MCM3AP: variants seen among roughly 807,000 people sequenced by gnomAD.
MCM3AP encodes minichromosome maintenance complex component 3 associated protein, also known as germinal-center associated nuclear protein.
MCM3AP carries 126 observed loss-of-function variants against 184.1 expected under a neutral mutation model. The observed-to-expected ratio is 0.68, with a 90% CI of 0.59 to 0.79. MCM3AP has a LOEUF of 0.79. Ranked by LOEUF, MCM3AP falls within the 30% of genes least tolerant of loss-of-function variation. The pLI, the probability that MCM3AP is intolerant of heterozygous loss-of-function variation, is 0.00. For missense variants in MCM3AP, 2,496 were observed against 2,479.2 expected (o/e 1.01, Z -0.14); for synonymous variants, 1,002 against 979.3 (o/e 1.02, Z -0.43).
At chr21:46,268,367 C>T (rs1186372279) in intron 9 of MCM3AP, among the ~76,000 whole-genome samples, 4 of 152,198 alleles carry the variant, frequency 2.6e-5, no homozygotes, top group African/African-American at 9.6e-5. Flanking sequence ...TGCCTGGCAC[C>T]GTTTTTAATG....
rs144976489 is a variant in MCM3AP at position 46,276,497 on chromosome 21, A to G, written c.1858+1030T>C. 2.9e-3 allele frequency among the ~76,000 whole-genome samples: 434 copies of G among 152,042 alleles called. 3 individuals carry two copies. The highest frequency in any genetic ancestry group is 4.4e-3 in the Non-Finnish European group (296 of 67,954). Reference sequence around the variant, plus strand: ...GCTCTTGCTGCCCAGGCTGGAGTACAATGGCACAATCTCGGCTCACCGCAA... The same window carrying G: ...GCTCTTGCTGCCCAGGCTGGAGTACGATGGCACAATCTCGGCTCACCGCAA... On this transcript the variant is annotated intron_variant, in intron 5 of 27. Coordinates refer to ENST00000291688, the MANE Select transcript of MCM3AP (RefSeq NM_003906.5).
At chr21:46,267,375 C>T in intron 9 of MCM3AP, 1 of 510,256 alleles carries the variant, frequency 2.0e-6, no homozygotes, top group Non-Finnish European at 3.5e-6. Context: ...AGAAGGATGG[C>T]TTGTGAAGGT....
chr21:46,244,361 G>C (rs12482209), intron 23 of MCM3AP, among the ~76,000 whole-genome samples: 67,138 of 152,186 alleles, frequency 0.44, 15,092 homozygotes, highest in African/African-American at 0.49. Context: ...AGCCATAGAA[G>C]AAGGCCTCTT....
In MCM3AP at chr21:46,235,302, T is replaced by C. The variant is rs201045045; in HGVS notation, c.5909A>G (p.His1970Arg). 3.7e-6 allele frequency: 6 copies of C among 1,614,212 alleles called. No homozygotes were observed. The highest frequency in any genetic ancestry group is 2.7e-5 in the African/African-American group (2 of 75,060). ...CACCATGTCTAGCAGCGCAGAGAGA[T>C]GGAGCTCAGAGGCAACTTCCTCTTC... The part of the protein sequence containing the change: ...SREEEVASEL[H>R]LSALLDMVDI The change falls in exon 28 of 28, where the codon CAT (histidine) becomes CGT (arginine). Residue 1970 changes from histidine to arginine, a missense_variant. Physicochemically the swap from His to Arg is conservative, Grantham distance 29. This residue lies in a region of MCM3AP where 1,323 missense variants were observed against 1,273.4 expected (regional missense o/e 1.04). Coordinates refer to ENST00000291688, the MANE Select transcript of MCM3AP (RefSeq NM_003906.5).
In MCM3AP at chr21:46,285,184, G is replaced by C; in HGVS notation, c.103C>G (p.Gln35Glu). 1 of 1,614,226 alleles carries C rather than the reference G, an allele frequency of 6.2e-7. No homozygotes were observed. Among genetic ancestry groups the C allele is most frequent in the Non-Finnish European group, 8.5e-7 (1 of 1,180,040 alleles). The change falls in exon 1 of 28, where the codon CAA (glutamine) becomes GAA (glutamate). Residue 35 changes from glutamine to glutamate, a missense_variant. Gln to Glu is a conservative substitution (Grantham distance 29). Transcript: ENST00000291688. ...LPSKPPFRFGQPSLFGQNSTL... is the reference protein window; with the variant it reads ...LPSKPPFRFGEPSLFGQNSTL... ...CTGTTTTGTCCAAAAAGAGAAGGTT[G>C]ACCAAATCGAAATGGCGGCTTAGAT... is the stretch of plus-strand genomic sequence containing the variant.
At position 46,240,813 on chromosome 21, in the gene MCM3AP, CTTG is replaced by C. The variant is rs1466972686; in HGVS notation, c.5628_5630del (p.Asn1876del). ...AATTAGAAGGAAGTGGGCTTCACCT[CTTG>C]TTCTCTTCTTTCTCCAGCAGCAGAC... On this transcript the variant is annotated inframe_deletion, in exon 26 of 28. Coordinates refer to ENST00000291688, the MANE Select transcript of MCM3AP (RefSeq NM_003906.5). The C allele has an allele frequency of 6.2e-7, 1 of 1,613,916 alleles. No individual in the cohort carries two copies. The highest frequency in any genetic ancestry group is 1.3e-5 in the African/African-American group (1 of 75,048).
At chr21:46,259,184 G>A (rs530915272) in intron 15 of MCM3AP, 93 bp from the exon 16 acceptor site, 72 of 1,314,370 alleles carry the variant, frequency 5.5e-5, no homozygotes, top group African/African-American at 3.5e-4. Context: ...AGTCAGGCGC[G>A]GTGGCTCACG....
rs1042579009 is a variant in MCM3AP at position 46,236,929 on chromosome 21, G to A, written c.5684C>T (p.Thr1895Met). ...ATAGAGGGGAAGGGAAGTTAAATCC[G>A]TAAATGCTCCTGAGTCTTCAGACAA... ...QWLSEDSGAFTDLTSLPLYLP... is the reference protein window; with the variant it reads ...QWLSEDSGAFMDLTSLPLYLP... Residue 1895 changes from threonine to methionine, a missense_variant, in exon 27 of 28, where the codon ACG becomes ATG. By Grantham distance (81) the Thr-to-Met change is moderately conservative (BLOSUM62 -1). This residue lies in a region of MCM3AP where 1,323 missense variants were observed against 1,273.4 expected (regional missense o/e 1.04). Transcript: ENST00000291688. The A allele has an allele frequency of 1.0e-5, 16 of 1,577,112 alleles. No individual in the cohort carries two copies. The highest frequency in any genetic ancestry group is 1.7e-4 in the Middle Eastern group (1 of 5,988).
rs754670172 is a variant in MCM3AP at position 46,251,881 on chromosome 21, CTTTTTTTTTTT to C, written c.4137-210_4137-200del. ...AATGGAGCAACGATCTGTACTCGTT[CTTTTTTTTTTT>C]TTTTTTTTTTTGAGCCAGGGTCTCG... On this transcript the variant is annotated intron_variant, in intron 19 of 27. Transcript: ENST00000291688. 1.8e-4 allele frequency: 23 copies of C among 127,760 alleles called. No homozygotes were observed. In the East Asian group the frequency reaches 3.2e-3, roughly 18 times the overall value. The allele number at this position is 127,760 out of a possible 1,614,324, so 7.9% of individuals were successfully genotyped here.
In MCM3AP at chr21:46,280,080, C is replaced by A. The variant is rs533982769; in HGVS notation, c.1580G>T (p.Ser527Ile). The A allele has an allele frequency of 1.9e-6, 3 of 1,614,228 alleles. No homozygotes were observed. The Admixed American group carries it at 5.0e-5, about 27-fold the overall frequency. Residue 527 changes from serine (S) to isoleucine (I), a missense_variant, in exon 4 of 28, where the codon AGC becomes ATC. Around this residue, in one of 5 missense-constraint regions of MCM3AP, gnomAD observed 800 missense variants for 717.1 expected, o/e 1.12. Coordinates refer to ENST00000291688, the MANE Select transcript of MCM3AP (RefSeq NM_003906.5). ...AAAGGGTGCATCCTCTGTGCTCGGG[C>A]TGACTTCACCGTCACCTGGTTTCTT... Reference protein sequence around the residue: ...KEKKPGDGEVSPSTEDAPFQH... With the variant: ...KEKKPGDGEVIPSTEDAPFQH...
chr21:46,283,720 G>A lies in MCM3AP; in HGVS notation c.1338C>T (p.Leu446=). 6.2e-7 allele frequency: 1 copy of A among 1,613,858 alleles called. No homozygotes were observed. The highest frequency in any genetic ancestry group is 1.1e-5 in the South Asian group (1 of 91,080). Residue 446 remains leucine, a synonymous_variant, in exon 2 of 28, where the codon CTC becomes CTT. Transcript: ENST00000291688. ...AIQCKNIPDY[L]NDRTILENHF... is the part of the protein sequence containing the mutation. Reference sequence around the variant, plus strand: ...GGTTCTCCAGAATGGTCCTGTCGTTGAGGTAGTCAGGGATGTTCTTGCACT... The same window carrying A: ...GGTTCTCCAGAATGGTCCTGTCGTTAAGGTAGTCAGGGATGTTCTTGCACT...
intron 14 of MCM3AP, among the ~76,000 whole-genome samples, 171 bp from the exon 15 acceptor site, chr21:46,261,077 T>C (rs1342229847): frequency 6.6e-6 from 1 of 152,152 alleles, no homozygotes; most frequent in Non-Finnish European, 1.5e-5. Context: ...CTTTCCTGGC[T>C]GGGAAGGGCC....
intron 16 of MCM3AP, among the ~76,000 whole-genome samples, chr21:46,257,970 AC>A: frequency 6.6e-6 from 1 of 150,720 alleles, no homozygotes; most frequent in South Asian, 2.1e-4. Context: ...TCAACAGAAG[AC>A]CAGGAAGGTC....
Position 46,284,448 on chromosome 21 carries a change from T to C in MCM3AP, c.839A>G (p.Gln280Arg). 2 of 1,614,166 alleles carry C rather than the reference T, an allele frequency of 1.2e-6. No homozygotes were observed. The highest frequency in any genetic ancestry group is 1.7e-6 in the Non-Finnish European group (2 of 1,180,032). Residue 280 changes from glutamine (Q) to arginine (R), a missense_variant, in exon 1 of 28, where the codon CAG becomes CGG. By Grantham distance (43) the Gln-to-Arg change is conservative. Around this residue, in one of 5 missense-constraint regions of MCM3AP, gnomAD observed 800 missense variants for 717.1 expected, o/e 1.12. Coordinates refer to ENST00000291688, the MANE Select transcript of MCM3AP (RefSeq NM_003906.5). ...CATTAGGCTGGGAAGTGGTTCCACCTGGGAAACAGCTTCTTCACACCCCTG... is the reference window on the plus strand; with the variant it reads ...CATTAGGCTGGGAAGTGGTTCCACCCGGGAAACAGCTTCTTCACACCCCTG... The part of the protein sequence containing the change: ...VRQGCEEAVS[Q>R]VEPLPSLMKG...
In MCM3AP at chr21:46,271,324, G is replaced by A. The variant is rs62226460; in HGVS notation, c.2466-761C>T. On this transcript the variant is annotated intron_variant, in intron 8 of 27. Coordinates refer to ENST00000291688, the MANE Select transcript of MCM3AP (RefSeq NM_003906.5). ...TAACAGGCCATGGGCCACCACACCT[G>A]GGTTTTTTTTTTTTTTTTTTAAGAG... Among the ~76,000 whole-genome samples the A allele has an allele frequency of 6.3e-5, 9 of 143,962 alleles. No individual in the cohort carries two copies. In the East Asian group the frequency reaches 1.0e-3, roughly 16 times the overall value. The allele number at this position is 143,962 out of a possible 152,430, so 94.4% of individuals were successfully genotyped here.
At chr21:46,256,391 C>T (rs920705022) in intron 17 of MCM3AP, 9 of 194,768 alleles carry the variant, frequency 4.6e-5, no homozygotes, top group African/African-American at 1.6e-4. Context: ...AAGGAGACGG[C>T]GGGAGGAACA....
chr21:46,280,132 T>G lies in MCM3AP; in HGVS notation c.1528A>C (p.Asn510His). 1 of 1,614,080 alleles carries G rather than the reference T, an allele frequency of 6.2e-7. No individual in the cohort carries two copies. The highest frequency in any genetic ancestry group is 1.1e-5 in the South Asian group (1 of 91,078). ...TCCTTCAGGGAAAAGGGTTTCTTAT[T>G]GGGGCCTGTGGACATAGGAGGCAGA... ...IFWHRKKISP[N>H]KKPFSLKEKK... is the part of the protein sequence containing the mutation. Residue 510 changes from asparagine to histidine, a missense_variant, in exon 4 of 28, where the codon AAT becomes CAT. Asn to His is a moderately conservative substitution (Grantham distance 68). Around this residue, in one of 5 missense-constraint regions of MCM3AP, gnomAD observed 800 missense variants for 717.1 expected, o/e 1.12. Transcript: ENST00000291688.
chr21:46,258,226 C>T (rs1288672362), intron 16 of MCM3AP, among the ~76,000 whole-genome samples: 1 of 152,168 alleles, frequency 6.6e-6, no homozygotes, highest in Non-Finnish European at 1.5e-5. Context: ...ACTCACTTCT[C>T]CCCATACTCC....
chr21:46,256,495 G>T (rs928741258), intron 17 of MCM3AP: 5 of 437,744 alleles, frequency 1.1e-5, no homozygotes, highest in African/African-American at 9.8e-5. Context: ...CTTAAACTGG[G>T]ACGAGCAGGA....
Sources: gnomAD v4.1 joint callset for allele counts (sites outside exome capture counted in the v4.1 genomes callset) on GRCh38, gnomAD v4.1.1 for gene constraint, gnomAD v4.1.1 regional missense constraint, MANE v1.5 for transcripts, NCBI Gene and HGNC (gene_info 2026-07-23, HGNC 2026-07-21) for gene names.